Variants in DNAH1 observed in about 807,000 individuals in gnomAD.
The protein encoded by DNAH1 is dynein axonemal heavy chain 1, also known as axonemal beta dynein heavy chain 1.
A neutral mutation model predicts 484.3 loss-of-function variants in DNAH1; 327 were observed. That is an observed-to-expected ratio of 0.68 (90% CI 0.62 to 0.74). The LOEUF (loss-of-function observed/expected upper bound fraction) is 0.74. DNAH1 is among the 30% of genes least tolerant of loss of function. The pLI, the probability that DNAH1 is intolerant of heterozygous loss-of-function variation, is 0.00. For synonymous variants in DNAH1, 2,192 were observed against 2,191.9 expected (o/e 1.00, Z 0.00); for missense variants, 5,052 against 5,546.8 (o/e 0.91, Z 2.83).
In DNAH1 at chr3:52,378,769, G is replaced by A. The variant is rs773274608; in HGVS notation, c.7366G>A (p.Ala2456Thr). ...VFQGMLMADP[A>T]KVEDQVQLLR... ...CCAAGGCATGCTCATGGCTGACCCG[G>A]CCAAGGTCGAGGTGAGGACCAGGCA... The change falls in exon 47 of 78, where the codon GCC becomes ACC. Residue 2456 changes from alanine (A) to threonine (T), a missense_variant. By Grantham distance (58) the Ala-to-Thr change is moderately conservative. Transcript: ENST00000420323. The A allele has an allele frequency of 9.3e-6, 15 of 1,613,612 alleles. No homozygotes were observed. The highest frequency in any genetic ancestry group is 5.0e-5 in the Admixed American group (3 of 60,028).
At chr3:52,340,625 G>A (rs1190244685) in intron 8 of DNAH1, among the ~76,000 whole-genome samples, 1 of 151,570 alleles carries the variant, frequency 6.6e-6, no homozygotes, top group Admixed American at 6.6e-5. Context: ...AGTAGAGACG[G>A]GGCTTCACCA....
In DNAH1 at chr3:52,326,132, A is replaced by G. The variant is rs1701329208; in HGVS notation, c.407-8A>G. ...CCCTGAAGCCCCTGCCCCTGCTTCT[A>G]CCTGCAGTCGGAAGCTTTGAGGTTC... On this transcript the variant is annotated splice_polypyrimidine_tract_variant and splice_region_variant and intron_variant, in intron 3 of 77. Coordinates refer to ENST00000420323, the MANE Select transcript of DNAH1 (RefSeq NM_015512.5). 4 of 1,579,644 alleles carry G rather than the reference A, an allele frequency of 2.5e-6. No homozygotes were observed. The highest frequency in any genetic ancestry group is 2.3e-5 in the East Asian group (1 of 43,662).
At chr3:52,324,678 T>C (rs2153222953) in intron 3 of DNAH1, among the ~76,000 whole-genome samples, 1 of 152,252 alleles carries the variant, frequency 6.6e-6, no homozygotes, top group East Asian at 1.9e-4. Flanking sequence ...TGCGCACTTA[T>C]CTGAGGGTCT....
chr3:52,374,228 T>C (rs747000198), intron 44 of DNAH1: 23 of 1,406,236 alleles, frequency 1.6e-5, no homozygotes, highest in Non-Finnish European at 2.3e-5. Flanking sequence ...CATAGCAGAG[T>C]TACTGGAAAT....
Position 52,386,816 on chromosome 3 carries a change from C to T in DNAH1, c.8966C>T (p.Pro2989Leu), listed in dbSNP as rs766664087. The T allele has an allele frequency of 1.4e-5, 22 of 1,586,482 alleles. No homozygotes were observed. Among genetic ancestry groups the T allele is most frequent in the African/African-American group, 4.1e-5 (3 of 74,050 alleles). Residue 2989 changes from proline (P) to leucine (L), a missense_variant, in exon 56 of 78, where the codon CCG becomes CTG. Around this residue, in one of 4 missense-constraint regions of DNAH1, gnomAD observed 2,929 missense variants for 3,409.4 expected, o/e 0.86. Transcript: ENST00000420323. ...CCTGGCAAGGGGCTGCTGCAGGACC[C>T]GGGCCACTTCCTTGAGAGCCTCTTC... ...WEPGKGLLQD[P>L]GHFLESLFKF...
In DNAH1 at chr3:52,368,747, C is replaced by A; in HGVS notation, c.5772C>A (p.Asp1924Glu). ...EFDLLTHEWT[D>E]GIFSSFIRAG... is the part of the protein sequence containing the mutation. ...CTCCTCCCTGGCGCTGCAGGACAGA[C>A]GGGATATTCTCCTCGTTCATCCGGG... Residue 1924 changes from aspartate (D) to glutamate (E), a missense_variant, in exon 37 of 78, where the codon GAC becomes GAA. Around this residue, in one of 4 missense-constraint regions of DNAH1, gnomAD observed 2,929 missense variants for 3,409.4 expected, o/e 0.86. Coordinates refer to ENST00000420323, the MANE Select transcript of DNAH1 (RefSeq NM_015512.5). This position sits in a 1 kb window ranked among gnomAD's most constrained non-coding sequence, Gnocchi z 4.4. 1.9e-6 allele frequency: 3 copies of A among 1,613,314 alleles called. No homozygotes were observed. Among genetic ancestry groups the A allele is most frequent in the Non-Finnish European group, 2.5e-6 (3 of 1,179,722 alleles).
In DNAH1 at chr3:52,394,930, C is replaced by T; in HGVS notation, c.10839C>T (p.Gly3613=). Residue 3613 remains glycine, a synonymous_variant, in exon 68 of 78, where the codon GGC becomes GGT. Coordinates refer to ENST00000420323, the MANE Select transcript of DNAH1 (RefSeq NM_015512.5). ...SLEPHREPLP[G]IWDQYLDQFQ... is the part of the protein sequence containing the mutation. ...ACTGTTGCAGGGAGCCTTTGCCTGG[C>T]ATCTGGGACCAGTACCTAGACCAGT... 1 of 1,613,508 alleles carries T rather than the reference C, an allele frequency of 6.2e-7. No homozygotes were observed. Among genetic ancestry groups the T allele is most frequent in the South Asian group, 1.1e-5 (1 of 90,960 alleles).
intron 59 of DNAH1, 135 bp from the exon 60 acceptor site, chr3:52,389,326 G>A (rs1190807804): frequency 5.3e-6 from 7 of 1,313,682 alleles, no homozygotes; most frequent in Non-Finnish European, 7.4e-6. Context: ...CACCCGAAGT[G>A]GGATTAGAAT....
rs377099238 is a variant in DNAH1, at chr3:52,332,253, G to T, written c.1145G>T (p.Arg382Leu). The change falls in exon 8 of 78, where the codon CGC (arginine) becomes CTC (leucine). Residue 382 changes from arginine (R) to leucine (L), a missense_variant. This residue lies in a region of DNAH1 where 1,263 missense variants were observed against 1,218.8 expected (regional missense o/e 1.04). Coordinates refer to ENST00000420323, the MANE Select transcript of DNAH1 (RefSeq NM_015512.5). ...AQRVVQANALRKNTEALLLYN... is the reference protein window; with the variant it reads ...AQRVVQANALLKNTEALLLYN... ...CGTGTGGTCCAGGCCAACGCCCTGC[G>T]CAAGAACACGGAAGCACTGCTGCTC... 5.0e-6 allele frequency: 8 copies of T among 1,614,014 alleles called. No homozygotes were observed. Among genetic ancestry groups the T allele is most frequent in the Non-Finnish European group, 6.8e-6 (8 of 1,179,892 alleles).
chr3:52,364,565 G>T lies in DNAH1; in HGVS notation c.5245-73G>T, dbSNP rs984499784. On this transcript the variant is annotated intron_variant, in intron 32 of 77. Transcript: ENST00000420323. The surrounding 1 kb of genome is among the most constrained non-coding windows in gnomAD (Gnocchi z 4.2). ...TGAGACTTGGCCAACTGCCAGGTGG[G>T]AGGCAGAGTGTTCCAGGCAGAAGCC... is the stretch of plus-strand genomic sequence containing the variant. 30 of 1,551,874 alleles carry T rather than the reference G, an allele frequency of 1.9e-5. No homozygotes were observed. The highest frequency in any genetic ancestry group is 1.6e-4 in the East Asian group (7 of 44,594).
intron 42 of DNAH1, 60 bp downstream of exon 42, chr3:52,372,146 A>G: frequency 6.2e-7 from 1 of 1,609,896 alleles, no homozygotes. Flanking sequence ...GGGGTTGACC[A>G]GCCTCCCACA....
At chr3:52,394,871 T>C (rs1704549583) in intron 67 of DNAH1, 44 bp from the exon 68 acceptor site, 1 of 1,603,452 alleles carries the variant, frequency 6.2e-7, no homozygotes, top group Non-Finnish European at 8.5e-7. Flanking sequence ...ACCAACCTCC[T>C]TCCAACAGGC....
In DNAH1 at chr3:52,400,316, C is replaced by A. The variant is rs565016920; in HGVS notation, c.12677-9C>A. The stretch of plus-strand genomic sequence containing the variant: ...TGACCTAACCCGTCCCCCTCCTTGC[C>A]CATTCCAGGAACACTATCAACCACA... On this transcript the variant is annotated splice_polypyrimidine_tract_variant and intron_variant, in intron 77 of 77. Transcript: ENST00000420323. 20 of 1,613,910 alleles carry A rather than the reference C, an allele frequency of 1.2e-5. No homozygotes were observed. In the East Asian group the frequency reaches 4.2e-4, roughly 34 times the overall value.
chr3:52,341,954 C>T (rs776877563), intron 8 of DNAH1, among the ~76,000 whole-genome samples: 1 of 152,148 alleles, frequency 6.6e-6, no homozygotes, highest in Non-Finnish European at 1.5e-5. Context: ...GCCAGAAAGA[C>T]AGACAATGAA....
At chr3:52,369,002 C>A in intron 37 of DNAH1, 84 bp downstream of exon 37, 2 of 1,494,180 alleles carry the variant, frequency 1.3e-6, no homozygotes, top group Non-Finnish European at 1.8e-6. Flanking sequence ...ACTCTGCCCC[C>A]TCACCCCTTT....
chr3:52,314,176 A>G (rs138603025), upstream of DNAH1, among the ~76,000 whole-genome samples: 3 of 152,236 alleles, frequency 2.0e-5, no homozygotes, highest in African/African-American at 7.2e-5. Flanking sequence ...ACGCTCACCA[A>G]ACTCCTTGGG....
In DNAH1 at chr3:52,332,228, C is replaced by T. The variant is rs188467919; in HGVS notation, c.1120C>T (p.Arg374Cys). ...TGAGGACCCTTGCATGTTCGCACAACGTGTGGTCCAGGCCAACGCCCTGCG... is the reference window on the plus strand; with the variant it reads ...TGAGGACCCTTGCATGTTCGCACAATGTGTGGTCCAGGCCAACGCCCTGCG... ...CAEDPCMFAQ[R>C]VVQANALRKN... The change falls in exon 8 of 78, where the codon CGT becomes TGT. Residue 374 changes from arginine (R) to cysteine (C), a missense_variant. Transcript: ENST00000420323. The T allele has an allele frequency of 1.5e-5, 25 of 1,613,590 alleles. No homozygotes were observed. In the Admixed American group the frequency reaches 2.0e-4, roughly 13 times the overall value.
chr3:52,331,019 G>A, intron 6 of DNAH1, 129 bp from the exon 7 acceptor site: 1 of 1,177,750 alleles, frequency 8.5e-7, no homozygotes, highest in Non-Finnish European at 1.2e-6. Context: ...GCAGAGGGGG[G>A]CATCCCAGCG....
chr3:52,391,115 G>A, intron 61 of DNAH1, 61 bp downstream of exon 61: 2 of 1,606,916 alleles, frequency 1.2e-6, no homozygotes, highest in Non-Finnish European at 1.7e-6. Context: ...GGGCAGTGGT[G>A]AGCCGCAGAG....
Sources: gnomAD v4.1 joint callset for allele counts (sites outside exome capture counted in the v4.1 genomes callset) on GRCh38, gnomAD v4.1.1 for gene constraint, gnomAD v4.1.1 regional missense constraint, Gnocchi (gnomAD v3.1) non-coding constraint, MANE v1.5 for transcripts, NCBI Gene and HGNC (gene_info 2026-07-23, HGNC 2026-07-21) for gene names.